The following REC8 variants were observed in gnomAD, a reference collection of about 807,000 sequenced individuals.
REC8 encodes the protein meiotic recombination protein REC8 homolog.
Under a neutral mutation model 78.3 loss-of-function variants are expected in REC8, and 42 were observed. The ratio of observed to expected loss-of-function variants is 0.54; its 90% CI spans 0.42 to 0.69. The LOEUF (loss-of-function observed/expected upper bound fraction) is 0.69. Among genes scored for constraint, REC8 ranks in the 30% least tolerant of loss-of-function variants. The probability of loss-of-function intolerance (pLI) is 0.00; values close to 1 mark genes in which losing one functional copy is unlikely to be tolerated. For synonymous variants in REC8, 268 were observed against 274.1 expected (o/e 0.98, Z 0.22); for missense variants, 581 against 715.8 (o/e 0.81, Z 2.15).
At chr14:24,175,786 G>C (rs541690606) in intron 6 of REC8, among the ~76,000 whole-genome samples, 162 bp downstream of exon 6, 1 of 150,054 alleles carries the variant, frequency 6.7e-6, no homozygotes, top group East Asian at 2.0e-4. Flanking sequence ...GCAGTGGCAC[G>C]ATCTCGGCTC....
intron 14 of REC8, 30 bp downstream of exon 14, chr14:24,178,946 C>T: frequency 5.0e-6 from 8 of 1,611,478 alleles, no homozygotes; most frequent in Non-Finnish European, 6.8e-6. Flanking sequence ...ACTGCATCGC[C>T]CCAGTGCCAG....
chr14:24,172,564 T>C lies in REC8; in HGVS notation c.12T>C (p.Tyr4=), dbSNP rs775592932. Residue 4 remains tyrosine (Y), a synonymous_variant, in exon 1 of 19, where the codon TAT becomes TAC. Transcript: ENST00000611366. MFY[Y]PNVLQRHTGC... Reference sequence around the variant, plus strand: ...AGACCAGAGGGACAATGTTCTACTATCCCAACGTGCTTCAGCGCCACACCG... The same window carrying C: ...AGACCAGAGGGACAATGTTCTACTACCCCAACGTGCTTCAGCGCCACACCG... 10 of 1,612,920 alleles carry C rather than the reference T, an allele frequency of 6.2e-6. No homozygotes were observed. The highest frequency in any genetic ancestry group is 1.3e-5 in the African/African-American group (1 of 74,914).
At chr14:24,177,857 CCTTAAT>C (rs2038971098) in intron 11 of REC8, 99 bp downstream of exon 11, 1 of 1,477,810 alleles carries the variant, frequency 6.8e-7, no homozygotes, top group African/African-American at 1.4e-5. Flanking sequence ...TTACAGGGGT[CCTTAAT>C]GCAGATGATA....
downstream of REC8, chr14:24,180,456 G>A (rs2039113304): frequency 1.2e-6 from 2 of 1,611,926 alleles, no homozygotes; most frequent in Non-Finnish European, 1.7e-6. Flanking sequence ...GAGAGGCCCA[G>A]TACAGCCTGG....
chr14:24,173,212 G>A lies in REC8; in HGVS notation c.341+14G>A, dbSNP rs755993029. 4.3e-6 allele frequency: 7 copies of A among 1,614,040 alleles called. No individual in the cohort carries two copies. The African/African-American group carries it at 9.3e-5, about 22-fold the overall frequency. Reference sequence around the variant, plus strand: ...GGAGACTGAGCTGTGAGTGTGCCCTGGGCCTTTGATGGAACACCTGCTAGC... The same window carrying A: ...GGAGACTGAGCTGTGAGTGTGCCCTAGGCCTTTGATGGAACACCTGCTAGC... On this transcript the variant is annotated intron_variant, in intron 4 of 18. Coordinates refer to ENST00000611366, the MANE Select transcript of REC8 (RefSeq NM_001048205.2).
chr14:24,178,372 C>T (rs138337572), intron 12 of REC8, 150 bp downstream of exon 12: 20 of 823,414 alleles, frequency 2.4e-5, no homozygotes, highest in African/African-American at 3.4e-5. Context: ...AAAATGCAGG[C>T]GATGTGGGTT....
At chr14:24,180,850 CAG>C (rs1203637805), downstream of REC8, 4 of 1,039,260 alleles carry the variant, frequency 3.8e-6, no homozygotes, top group Admixed American at 2.4e-5. Flanking sequence ...AATCTCTTAT[CAG>C]GGGGGTGGTT....
intron 11 of REC8, 25 bp from the exon 12 acceptor site, chr14:24,178,066 C>T (rs780613285): frequency 2.5e-6 from 4 of 1,605,984 alleles, no homozygotes; most frequent in Admixed American, 3.4e-5. Flanking sequence ...CAGCCTTGCC[C>T]CTACCTGCCC....
chr14:24,179,357 C>G (rs2138798422), intron 15 of REC8, 40 bp from the exon 16 acceptor site: 1 of 1,609,510 alleles, frequency 6.2e-7, no homozygotes, highest in East Asian at 2.2e-5. Context: ...CTAACTGCCA[C>G]CCAAGCAGAC....
In REC8 at chr14:24,178,686, G is replaced by C; in HGVS notation, c.1063+14G>C. The C allele has an allele frequency of 6.2e-7, 1 of 1,613,980 alleles. No individual in the cohort carries two copies. Among genetic ancestry groups the C allele is most frequent in the Non-Finnish European group, 8.5e-7 (1 of 1,179,960 alleles). On this transcript the variant is annotated intron_variant, in intron 13 of 18. Coordinates refer to ENST00000611366, the MANE Select transcript of REC8 (RefSeq NM_001048205.2). ...CCCCAACTCTCTGTAAGAATGGTGGGGGTTGGGCACGAAGTATCCTCAAAA... is the reference window on the plus strand; with the variant it reads ...CCCCAACTCTCTGTAAGAATGGTGGCGGTTGGGCACGAAGTATCCTCAAAA...
rs773792400 is a variant in REC8 at position 24,178,834 on chromosome 14, C to T, written c.1121C>T (p.Pro374Leu). 2.5e-6 allele frequency: 4 copies of T among 1,613,700 alleles called. No individual in the cohort carries two copies. Among genetic ancestry groups the T allele is most frequent in the African/African-American group, 1.3e-5 (1 of 74,914 alleles). Residue 374 changes from proline (P) to leucine (L), a missense_variant, in exon 14 of 19, where the codon CCA (proline) becomes CTA (leucine). Pro to Leu is a moderately conservative substitution (Grantham distance 98). Coordinates refer to ENST00000611366, the MANE Select transcript of REC8 (RefSeq NM_001048205.2). ...GLWTHCAQPP[P>L]KALRRELPEE... The stretch of plus-strand genomic sequence containing the variant: ...TGGACCCATTGTGCCCAGCCACCCC[C>T]AAAAGCCCTCAGGCGAGAGCTGCCT...
At chr14:24,173,527 A>G (rs902290307) in intron 5 of REC8, 116 bp downstream of exon 5, 5 of 1,544,242 alleles carry the variant, frequency 3.2e-6, no homozygotes, top group Non-Finnish European at 4.4e-6. Flanking sequence ...CTCCCACAGG[A>G]GATGGTGCAG....
rs759436815 is a variant in REC8 at position 24,179,453 on chromosome 14, G to A, written c.1309G>A (p.Glu437Lys). 3 of 1,614,162 alleles carry A rather than the reference G, an allele frequency of 1.9e-6. No individual in the cohort carries two copies. The highest frequency in any genetic ancestry group is 2.5e-6 in the Non-Finnish European group (3 of 1,180,020). The change falls in exon 16 of 19, where the codon GAA becomes AAA. Residue 437 changes from glutamate (E) to lysine (K), a missense_variant. Physicochemically the swap from Glu to Lys is moderately conservative, Grantham distance 56. Transcript: ENST00000611366. ...GTCCCGCATCAGCCTCATCCCACCA[G>A]AAGAACGGTGGTAAGCGGCCAGGCT... ...EKSRISLIPP[E>K]ERWAWPEVEA...
In REC8 at chr14:24,179,575, A is replaced by C; in HGVS notation, c.1320-20A>C. 1 of 1,613,548 alleles carries C rather than the reference A, an allele frequency of 6.2e-7. No homozygotes were observed. Among genetic ancestry groups the C allele is most frequent in the African/African-American group, 1.3e-5 (1 of 74,856 alleles). On this transcript the variant is annotated intron_variant, in intron 16 of 18. Transcript: ENST00000611366. ...CACTGTCACAGCTGCCACCTTCCCT[A>C]CTCTCTCATGTCCTCCTAGGGCCTG...
rs1208188713 is a variant in REC8, at chr14:24,179,815, G to A, written c.1467G>A (p.Glu489=). The change falls in exon 18 of 19, where the codon GAG becomes GAA. Residue 489 remains glutamate (E), a synonymous_variant. Transcript: ENST00000611366. ...ATCCCTATAGGGCAGTGGCACTGGA[G>A]CTGCAGGCTAACAGGGAGCCCGACT... ...LEAVHRAVAL[E]LQANREPDFS... The A allele has an allele frequency of 1.2e-6, 2 of 1,613,034 alleles. No homozygotes were observed. The highest frequency in any genetic ancestry group is 2.7e-5 in the African/African-American group (2 of 74,902).
rs1275240268 is a variant in REC8, at chr14:24,178,220, T to C, written c.994T>C (p.Cys332Arg). The change falls in exon 12 of 19, where the codon TGT becomes CGT. Residue 332 changes from cysteine to arginine, a missense_variant and splice_region_variant. Transcript: ENST00000611366. ...QLQTRAHCWE[C>R]PMVQPPERTI... ...GCAAACCAGAGCCCACTGCTGGGAA[T>C]GTGTGAGTGCAGCCCAGGCTTTGCC... The C allele has an allele frequency of 1.2e-6, 2 of 1,613,470 alleles. No individual in the cohort carries two copies. Among genetic ancestry groups the C allele is most frequent in the Non-Finnish European group, 1.7e-6 (2 of 1,179,534 alleles).
At position 24,178,600 on chromosome 14, in the gene REC8, A is replaced by G; in HGVS notation, c.997-6A>G. 2 of 1,613,880 alleles carry G rather than the reference A, an allele frequency of 1.2e-6. No individual in the cohort carries two copies. Among genetic ancestry groups the G allele is most frequent in the Non-Finnish European group, 1.7e-6 (2 of 1,179,916 alleles). The stretch of plus-strand genomic sequence containing the variant: ...ATGGGGCTTCTGACCTTCCCCCACT[A>G]CACAGCCTATGGTGCAGCCGCCCGA... On this transcript the variant is annotated splice_region_variant and splice_polypyrimidine_tract_variant and intron_variant, in intron 12 of 18. Transcript: ENST00000611366.
intron 15 of REC8, 28 bp from the exon 16 acceptor site, chr14:24,179,369 C>T (rs375683921): frequency 1.9e-6 from 3 of 1,612,610 alleles, no homozygotes; most frequent in Non-Finnish European, 2.5e-6. Flanking sequence ...CAAGCAGACA[C>T]CCACTAGCGC....
At chr14:24,180,541 C>A (rs779172878), downstream of REC8, 1 of 1,613,942 alleles carries the variant, frequency 6.2e-7, no homozygotes, top group Non-Finnish European at 8.5e-7. Context: ...TGGCCAGGAA[C>A]GTCAGGAGCA....
Sources: allele counts gnomAD v4.1 joint callset (sites outside exome capture counted in the v4.1 genomes callset), GRCh38; gene constraint gnomAD v4.1.1; transcripts MANE v1.5; gene names NCBI Gene and HGNC (gene_info 2026-07-23, HGNC 2026-07-21).